EPHA5: variants seen among roughly 807,000 people sequenced by gnomAD.
EPHA5 encodes the protein EPH receptor A5, also known as ephrin type-A receptor 5.
In EPHA5, 60 loss-of-function variants were observed where a neutral mutation model predicts 105.0. That is an observed-to-expected ratio of 0.57 (90% CI 0.46 to 0.71). The LOEUF is 0.71. EPHA5 is among the 30% of genes least tolerant of loss of function. The pLI is 0.00. For synonymous variants in EPHA5, 513 were observed against 449.1 expected (o/e 1.14, Z -1.80); for missense variants, 1,218 against 1,274.7 (o/e 0.96, Z 0.68).
intron 3 of EPHA5, among the ~76,000 whole-genome samples, chr4:65,511,937 A>T (rs1163361081): frequency 6.6e-6 from 1 of 152,220 alleles, no homozygotes; most frequent in Non-Finnish European, 1.5e-5. Flanking sequence ...AATAACCAGT[A>T]GTCAAGTGAA....
chr4:65,602,542 C>G (rs917923674), intron 2 of EPHA5, among the ~76,000 whole-genome samples: 3 of 152,012 alleles, frequency 2.0e-5, no homozygotes, highest in African/African-American at 7.2e-5. Flanking sequence ...TCCAACATAA[C>G]TCCAAGACGA....
chr4:65,568,568 T>A (rs374513355), intron 3 of EPHA5, among the ~76,000 whole-genome samples: 9 of 151,148 alleles, frequency 6.0e-5, no homozygotes, highest in African/African-American at 2.2e-4. Flanking sequence ...GTAAGCTTCA[T>A]CCTCTGATAT....
intron 4 of EPHA5, among the ~76,000 whole-genome samples, 191 bp from the exon 5 acceptor site, chr4:65,490,903 C>T (rs1374937519): frequency 6.6e-6 from 1 of 152,084 alleles, no homozygotes; most frequent in Non-Finnish European, 1.5e-5. Context: ...AATGACTTAT[C>T]TTGGCATTGT....
At chr4:65,450,518 A>G (rs1245188798) in intron 5 of EPHA5, among the ~76,000 whole-genome samples, 1 of 152,180 alleles carries the variant, frequency 6.6e-6, no homozygotes, top group Non-Finnish European at 1.5e-5. Context: ...ACCAATGTAA[A>G]ATCTGGTAGA....
rs552058800 is a variant in EPHA5 at position 65,428,340 on chromosome 4, C to T, written c.1403-7775G>A. Among the ~76,000 whole-genome samples, 19 of 152,104 alleles carry T rather than the reference C, an allele frequency of 1.2e-4. No homozygotes were observed. In the East Asian group the frequency reaches 3.7e-3, roughly 29 times the overall value. On this transcript the variant is annotated intron_variant, in intron 5 of 16. Coordinates refer to ENST00000613740, the MANE Select transcript of EPHA5 (RefSeq NM_001281766.3). ...TATATACTTACATACTTAGTATATC[C>T]TTCTTACTGTGTTGTCATTTGATAC...
At chr4:65,635,262 A>C (rs2149498332) in intron 2 of EPHA5, among the ~76,000 whole-genome samples, 1 of 152,248 alleles carries the variant, frequency 6.6e-6, no homozygotes, top group African/African-American at 2.4e-5. Flanking sequence ...CTCCAGGCAC[A>C]GAGCAACTTA....
At chr4:65,663,565 T>C (rs976386712) in intron 1 of EPHA5, among the ~76,000 whole-genome samples, 2 of 152,104 alleles carry the variant, frequency 1.3e-5, no homozygotes, top group Admixed American at 1.3e-4. Flanking sequence ...TCCTTCTGTT[T>C]ATTTTTCTTT....
intron 5 of EPHA5, among the ~76,000 whole-genome samples, chr4:65,456,379 T>C (rs1727590338): frequency 6.6e-6 from 1 of 152,196 alleles, no homozygotes; most frequent in Admixed American, 6.5e-5. Context: ...TAATCTGCCA[T>C]ATTCTAAGCA....
chr4:65,349,023 C>T (rs1228540259), intron 13 of EPHA5, among the ~76,000 whole-genome samples: 2 of 151,278 alleles, frequency 1.3e-5, no homozygotes, highest in Non-Finnish European at 2.9e-5. Context: ...GCCATGTTGG[C>T]TAGGCTGCTC....
intron 8 of EPHA5, chr4:65,377,158 TC>T: frequency 8.2e-7 from 1 of 1,220,904 alleles, no homozygotes; most frequent in Non-Finnish European, 1.1e-6. Context: ...GTGTCTGCTT[TC>T]CTTTTCAAAA....
chr4:65,349,931 T>C (rs1478623902), intron 13 of EPHA5, among the ~76,000 whole-genome samples: 1 of 152,090 alleles, frequency 6.6e-6, no homozygotes, highest in Non-Finnish European at 1.5e-5. Context: ...AATCTCAAGT[T>C]CCTTATGTTC....
chr4:65,565,193 A>T (rs995900376), intron 3 of EPHA5, among the ~76,000 whole-genome samples: 5 of 151,704 alleles, frequency 3.3e-5, no homozygotes, highest in African/African-American at 1.2e-4. Flanking sequence ...CAACTTTTCC[A>T]GGAAATAAGA....
chr4:65,629,214 A>G (rs1746413739), intron 2 of EPHA5, among the ~76,000 whole-genome samples: 1 of 152,226 alleles, frequency 6.6e-6, no homozygotes, highest in Non-Finnish European at 1.5e-5. Flanking sequence ...CATGCTTCTA[A>G]GCTAGAGCCA....
chr4:65,520,403 T>G (rs2149278493), intron 3 of EPHA5, among the ~76,000 whole-genome samples: 1 of 152,130 alleles, frequency 6.6e-6, no homozygotes, highest in Non-Finnish European at 1.5e-5. Flanking sequence ...ACTTAAATAT[T>G]AGACTAAAAC....
At chr4:65,495,832 A>T (rs1329776057) in intron 3 of EPHA5, among the ~76,000 whole-genome samples, 1 of 152,162 alleles carries the variant, frequency 6.6e-6, no homozygotes, top group East Asian at 1.9e-4. Context: ...AAATATTTTT[A>T]TGTATTTAAA....
intron 3 of EPHA5, among the ~76,000 whole-genome samples, chr4:65,512,588 A>G (rs1733727804): frequency 6.6e-6 from 1 of 152,060 alleles, no homozygotes; most frequent in Non-Finnish European, 1.5e-5. Flanking sequence ...GGCCATCTGA[A>G]GTGCCGGCTT....
chr4:65,399,472 A>G (rs1466847554), intron 8 of EPHA5, among the ~76,000 whole-genome samples: 1 of 152,242 alleles, frequency 6.6e-6, no homozygotes, highest in South Asian at 2.1e-4. Flanking sequence ...ACTCAGGCAA[A>G]GGTGCCCCTG....
rs190899231 is a variant in EPHA5, at chr4:65,664,910, A to C, written c.181+4652T>G. 8.4e-4 allele frequency among the ~76,000 whole-genome samples: 127 copies of C among 152,094 alleles called. 1 individual carries two copies. The highest frequency in any genetic ancestry group is 7.3e-3 in the Admixed American group (111 of 15,282). ...ACCTCAGTTAATTCTGATGCTTTAT[A>C]AAAACCATTGTGAGCTATTTTAAGA... On this transcript the variant is annotated intron_variant, in intron 1 of 16. Coordinates refer to ENST00000613740, the MANE Select transcript of EPHA5 (RefSeq NM_001281766.3).
At chr4:65,412,485 C>T (rs190746102) in intron 7 of EPHA5, among the ~76,000 whole-genome samples, 103 of 152,128 alleles carry the variant, frequency 6.8e-4, no homozygotes, top group African/African-American at 2.3e-3. Context: ...ATACTCTCTA[C>T]AAATAATACA....
Sources: gnomAD v4.1 joint callset for allele counts (sites outside exome capture counted in the v4.1 genomes callset) on GRCh38, gnomAD v4.1.1 for gene constraint, MANE v1.5 for transcripts, NCBI Gene and HGNC (gene_info 2026-07-23, HGNC 2026-07-21) for gene names.